ATXN2: variants seen among roughly 807,000 people sequenced by gnomAD.
The protein encoded by ATXN2 is ataxin 2.
ATXN2 carries 37 observed loss-of-function variants against 138.6 expected under a neutral mutation model. That is an observed-to-expected ratio of 0.27 (90% CI 0.21 to 0.35). ATXN2 has a LOEUF of 0.35. Ranked by LOEUF, ATXN2 falls within the 10% of genes least tolerant of loss-of-function variation. The pLI is 1.00. For synonymous variants in ATXN2, 549 were observed against 543.7 expected (o/e 1.01, Z -0.13); for missense variants, 1,216 against 1,480.3 (o/e 0.82, Z 2.93).
At chr12:111,456,389 G>A in intron 22 of ATXN2, 133 bp from the exon 23 acceptor site, 1 of 918,856 alleles carries the variant, frequency 1.1e-6, no homozygotes. Context: ...GAATGTACAG[G>A]GTGGTAAGAG....
intron 1 of ATXN2, chr12:111,581,546 C>T (rs890745184): frequency 2.3e-4 from 229 of 976,816 alleles, no homozygotes; most frequent in Non-Finnish European, 2.9e-4. Flanking sequence ...CGTGCCCGAC[C>T]ATGTCGTCTG....
intron 1 of ATXN2, among the ~76,000 whole-genome samples, chr12:111,588,381 G>A (rs527884879): frequency 5.3e-5 from 8 of 152,200 alleles, no homozygotes; most frequent in Admixed American, 6.6e-5. Context: ...TGCCAGGCAT[G>A]GGAGGCCAAG....
chr12:111,479,756 T>A (rs1457556704), intron 18 of ATXN2, among the ~76,000 whole-genome samples: 1 of 151,858 alleles, frequency 6.6e-6, no homozygotes, highest in East Asian at 1.9e-4. Context: ...TTAGTGTTAC[T>A]GTATTTTATG....
At chr12:111,529,607 G>C (rs1213582706) in intron 5 of ATXN2, among the ~76,000 whole-genome samples, 1 of 152,120 alleles carries the variant, frequency 6.6e-6, no homozygotes, top group African/African-American at 2.4e-5. Flanking sequence ...GTCATTTTGG[G>C]CCGGTGATGC....
chr12:111,543,628 T>G (rs1003902691), intron 5 of ATXN2, among the ~76,000 whole-genome samples: 1 of 152,148 alleles, frequency 6.6e-6, no homozygotes, highest in Non-Finnish European at 1.5e-5. Flanking sequence ...AGACAATTAT[T>G]TGCATCGCTG....
intron 1 of ATXN2, among the ~76,000 whole-genome samples, chr12:111,559,600 C>T (rs923961665): frequency 3.3e-5 from 5 of 150,806 alleles, no homozygotes; most frequent in African/African-American, 4.9e-5. Flanking sequence ...GGTGAAACCC[C>T]GTTTCTACTA....
chr12:111,563,356 G>C (rs1771971735), intron 1 of ATXN2, among the ~76,000 whole-genome samples: 1 of 151,976 alleles, frequency 6.6e-6, no homozygotes, highest in Admixed American at 6.6e-5. Context: ...ACTGGTTCTT[G>C]ACCAGAAAAA....
chr12:111,485,369 TATGATA>T (rs769196287), intron 17 of ATXN2, 38 bp from the exon 18 acceptor site: 1 of 1,537,632 alleles, frequency 6.5e-7, no homozygotes, highest in African/African-American at 1.4e-5. Flanking sequence ...ATTAGGCACC[TATGATA>T]ATAACAAGGT....
At chr12:111,499,689 C>CA (rs1010074098) in intron 14 of ATXN2, among the ~76,000 whole-genome samples, 36 of 145,638 alleles carry the variant, frequency 2.5e-4, no homozygotes, top group East Asian at 4.0e-4. Context: ...CAAAACAAAA[C>CA]AAAAAAAAAA....
intron 20 of ATXN2, among the ~76,000 whole-genome samples, chr12:111,464,965 T>C (rs1332425134): frequency 6.6e-6 from 1 of 152,156 alleles, no homozygotes; most frequent in African/African-American, 2.4e-5. Flanking sequence ...AATAAAATCA[T>C]TATCTAATAA....
At chr12:111,544,101 T>G (rs1331566001) in intron 5 of ATXN2, among the ~76,000 whole-genome samples, 2 of 152,080 alleles carry the variant, frequency 1.3e-5, no homozygotes, top group African/African-American at 2.4e-5. Flanking sequence ...AAAAAATTAA[T>G]TTTTAAAAGA....
intron 10 of ATXN2, among the ~76,000 whole-genome samples, chr12:111,514,733 C>A (rs537747341): frequency 6.6e-6 from 1 of 152,138 alleles, no homozygotes; most frequent in Non-Finnish European, 1.5e-5. Context: ...AGTGATCCAC[C>A]TGCCTCAGCC....
At chr12:111,531,515 G>C (rs1318844519) in intron 5 of ATXN2, among the ~76,000 whole-genome samples, 1 of 152,190 alleles carries the variant, frequency 6.6e-6, no homozygotes, top group African/African-American at 2.4e-5. Flanking sequence ...GTGGGACTGG[G>C]GGTTAGAGAG....
intron 7 of ATXN2, 43 bp from the exon 8 acceptor site, chr12:111,520,119 C>T (rs1421575462): frequency 1.3e-6 from 2 of 1,592,004 alleles, no homozygotes; most frequent in Admixed American, 1.8e-5. Context: ...TCCTTTAAAG[C>T]CACAGTTTAT....
At chr12:111,480,362 G>A (rs1877140037) in intron 18 of ATXN2, among the ~76,000 whole-genome samples, 1 of 152,160 alleles carries the variant, frequency 6.6e-6, no homozygotes. Flanking sequence ...AATTAGCCAG[G>A]CATAATGGTA....
chr12:111,499,048 A>T (rs1878597003), intron 14 of ATXN2, among the ~76,000 whole-genome samples: 1 of 152,196 alleles, frequency 6.6e-6, no homozygotes, highest in Non-Finnish European at 1.5e-5. Context: ...AAAAAAATCA[A>T]ATCAAAATGG....
chr12:111,594,627 A>C (rs112897190), intron 1 of ATXN2, among the ~76,000 whole-genome samples: 11 of 152,324 alleles, frequency 7.2e-5, no homozygotes, highest in African/African-American at 2.6e-4. Flanking sequence ...CATATTATTT[A>C]GGTTTAGGAA....
intron 5 of ATXN2, among the ~76,000 whole-genome samples, chr12:111,548,503 T>C (rs941817649): frequency 6.6e-6 from 1 of 152,210 alleles, no homozygotes; most frequent in Non-Finnish European, 1.5e-5. Context: ...CCTTAATAAT[T>C]TGACAGACTA....
intron 1 of ATXN2, among the ~76,000 whole-genome samples, chr12:111,583,947 T>G (rs1884173101): frequency 6.6e-6 from 1 of 152,030 alleles, no homozygotes; most frequent in Non-Finnish European, 1.5e-5. Context: ...CAAATTTAAC[T>G]GAGTGTCCTG....
Sources: gnomAD v4.1 joint callset for allele counts (sites outside exome capture counted in the v4.1 genomes callset) on GRCh38, gnomAD v4.1.1 for gene constraint, MANE v1.5 for transcripts, NCBI Gene and HGNC (gene_info 2026-07-23, HGNC 2026-07-21) for gene names.